The following UST variants were observed in gnomAD, a reference collection of about 807,000 sequenced individuals.
UST encodes the protein chondroitin sulfate 2-O-sulfotransferase.
A neutral mutation model predicts 45.6 loss-of-function variants in UST; 21 were observed. That is an observed-to-expected ratio of 0.46 (90% CI 0.33 to 0.66). The LOEUF is 0.66. Ranked by LOEUF, UST falls within the 30% of genes least tolerant of loss-of-function variation. The pLI, the probability that UST is intolerant of heterozygous loss-of-function variation, is 0.02. For missense variants in UST, 463 were observed against 512.4 expected, an observed-to-expected ratio of 0.90 and a Z score of 0.93; for synonymous variants, 215 against 200.6, an observed-to-expected ratio of 1.07 and a Z score of -0.61.
intron 7 of UST, among the ~76,000 whole-genome samples, chr6:149,053,270 G>A (rs542149522): frequency 3.3e-5 from 5 of 152,052 alleles, no homozygotes; most frequent in Admixed American, 6.6e-5. Context: ...AAATAAGTAC[G>A]GTTACCAACT....
intron 3 of UST, among the ~76,000 whole-genome samples, chr6:148,941,758 T>G (rs1780132291): frequency 6.6e-6 from 1 of 152,204 alleles, no homozygotes; most frequent in African/African-American, 2.4e-5. Flanking sequence ...TGCTGACATC[T>G]TCACCATCAA....
At chr6:149,034,297 G>C (rs562913586) in intron 7 of UST, among the ~76,000 whole-genome samples, 1 of 152,018 alleles carries the variant, frequency 6.6e-6, no homozygotes, top group African/African-American at 2.4e-5. Flanking sequence ...CAAAATTTTC[G>C]TATGTGCCAT....
intron 1 of UST, among the ~76,000 whole-genome samples, chr6:148,766,163 C>T (rs1049912723): frequency 3.9e-5 from 6 of 152,086 alleles, no homozygotes; most frequent in African/African-American, 1.4e-4. Flanking sequence ...TGGCATAATG[C>T]GTTTCTGTGC....
intron 5 of UST, among the ~76,000 whole-genome samples, chr6:148,989,521 C>T (rs1251653489): frequency 6.6e-6 from 1 of 152,192 alleles, no homozygotes; most frequent in African/African-American, 2.4e-5. Context: ...TGCCTTTGTC[C>T]TTGTTCAGAG....
At chr6:148,859,637 TA>T (rs1778269283) in intron 1 of UST, among the ~76,000 whole-genome samples, 1 of 152,258 alleles carries the variant, frequency 6.6e-6, no homozygotes, top group Non-Finnish European at 1.5e-5. Context: ...GTCTAACATT[TA>T]AGTCTTTAAT....
chr6:149,038,731 A>C (rs868743953), intron 7 of UST, among the ~76,000 whole-genome samples: 10 of 152,192 alleles, frequency 6.6e-5, no homozygotes, highest in African/African-American at 2.2e-4. Flanking sequence ...AGCTGTGAGG[A>C]GCAAACCTTG....
intron 7 of UST, among the ~76,000 whole-genome samples, chr6:149,064,893 T>TA (rs35820279): frequency 1.5e-4 from 22 of 149,114 alleles, no homozygotes; most frequent in East Asian, 1.0e-3. Context: ...AATCCATTTC[T>TA]AAAAAAAAAA....
At chr6:148,784,149 G>T (rs1394670992) in intron 1 of UST, among the ~76,000 whole-genome samples, 1 of 151,942 alleles carries the variant, frequency 6.6e-6, no homozygotes, top group Non-Finnish European at 1.5e-5. Context: ...ATCCATATTC[G>T]ATGTGGAAAT....
intron 1 of UST, among the ~76,000 whole-genome samples, chr6:148,847,464 C>T (rs944532610): frequency 6.6e-6 from 1 of 152,232 alleles, no homozygotes; most frequent in Non-Finnish European, 1.5e-5. Context: ...GTTGCTGCCT[C>T]AGCATTCATT....
At chr6:148,958,031 C>G (rs946718506) in intron 4 of UST, among the ~76,000 whole-genome samples, 2 of 152,152 alleles carry the variant, frequency 1.3e-5, no homozygotes, top group Non-Finnish European at 2.9e-5. Flanking sequence ...ATGGTCAGAA[C>G]TTTTGAAGGG....
At chr6:149,017,023 G>A (rs532340392) in intron 5 of UST, among the ~76,000 whole-genome samples, 5 of 152,314 alleles carry the variant, frequency 3.3e-5, no homozygotes, top group Non-Finnish European at 1.5e-5. Context: ...ACAGGCACCC[G>A]CCCGCACAAG....
At position 148,747,297 on chromosome 6, in the gene UST, C is replaced by T. The variant is rs1775883627; in HGVS notation, c.-134C>T. 8.8e-7 allele frequency: 1 copy of T among 1,131,342 alleles called. No individual in the cohort carries two copies. Among genetic ancestry groups the T allele is most frequent in the Non-Finnish European group, 1.1e-6 (1 of 876,180 alleles). The allele number at this position is 1,131,342 out of a possible 1,614,324, so 70.1% of individuals were successfully genotyped here. Reference sequence around the variant, plus strand: ...TCTCCTGAGCCCGGCAACTTCGGCCCCTCCCCGCCCCCACCCGGCTGCCCT... The same window carrying T: ...TCTCCTGAGCCCGGCAACTTCGGCCTCTCCCCGCCCCCACCCGGCTGCCCT... On this transcript the variant is annotated 5_prime_UTR_variant, in exon 1 of 8. Transcript: ENST00000367463.
At chr6:148,936,075 C>T (rs1465993163) in intron 2 of UST, among the ~76,000 whole-genome samples, 2 of 152,190 alleles carry the variant, frequency 1.3e-5, no homozygotes, top group African/African-American at 2.4e-5. Flanking sequence ...AAAGAAGTGT[C>T]ATCTTAGGAG....
intron 2 of UST, among the ~76,000 whole-genome samples, chr6:148,922,347 T>C (rs1426074892): frequency 1.8e-5 from 2 of 109,976 alleles, no homozygotes; most frequent in South Asian, 3.3e-4. Flanking sequence ...AGTGGAATCA[T>C]ACAATATACA....
Position 148,771,302 on chromosome 6 carries a change from A to G in UST, c.247+23625A>G, listed in dbSNP as rs185660282. Among the ~76,000 whole-genome samples, 7 of 152,340 alleles carry G rather than the reference A, an allele frequency of 4.6e-5. No homozygotes were observed. In the East Asian group the frequency reaches 1.3e-3, roughly 29 times the overall value. On this transcript the variant is annotated intron_variant, in intron 1 of 7. Coordinates refer to ENST00000367463, the MANE Select transcript of UST (RefSeq NM_005715.3). ...TTTCTTTGTGCCATTATTGAAGATT[A>G]TAGAAGTGGCTCTGCTTCCATTTTA...
intron 5 of UST, among the ~76,000 whole-genome samples, chr6:148,980,685 T>C (rs928098384): frequency 6.6e-6 from 1 of 152,172 alleles, no homozygotes; most frequent in African/African-American, 2.4e-5. Context: ...TTCTTGTCCT[T>C]ATGCTGATAA....
chr6:148,760,199 C>G lies in UST; in HGVS notation c.247+12522C>G, dbSNP rs149889000. ...CAGCAGTGCGTTTCCTCCACCTCCG[C>G]CAGAACTTGCTCTAGAAATTAGGGG... On this transcript the variant is annotated intron_variant, in intron 1 of 7. Transcript: ENST00000367463. Among the ~76,000 whole-genome samples, 16 of 152,276 alleles carry G rather than the reference C, an allele frequency of 1.1e-4. No individual in the cohort carries two copies. The East Asian group carries it at 3.1e-3, about 29-fold the overall frequency.
At chr6:148,884,686 TACCATG>T (rs1778881441) in intron 1 of UST, among the ~76,000 whole-genome samples, 1 of 151,974 alleles carries the variant, frequency 6.6e-6, no homozygotes, top group Non-Finnish European at 1.5e-5. Flanking sequence ...AGCAGAGGGC[TACCATG>T]ATCTAGTAGA....
rs373876130 is a variant in UST at position 148,915,200 on chromosome 6, A to G, written c.292-26079A>G. 3.3e-5 allele frequency among the ~76,000 whole-genome samples: 5 copies of G among 152,366 alleles called. No individual in the cohort carries two copies. The East Asian group carries it at 9.6e-4, about 29-fold the overall frequency. ...GACACAAACATTCAAATGATAGCAG[A>G]TTAAATTGGACTACATGTCATAGAA... On this transcript the variant is annotated intron_variant, in intron 2 of 7. Coordinates refer to ENST00000367463, the MANE Select transcript of UST (RefSeq NM_005715.3).
Sources: gnomAD v4.1 joint callset for allele counts (sites outside exome capture counted in the v4.1 genomes callset) on GRCh38, gnomAD v4.1.1 for gene constraint, MANE v1.5 for transcripts, NCBI Gene and HGNC (gene_info 2026-07-23, HGNC 2026-07-21) for gene names.